Variants in ZDHHC14 observed in about 807,000 individuals in gnomAD.
The protein encoded by ZDHHC14 is zDHHC palmitoyltransferase 14, also known as palmitoyltransferase ZDHHC14.
Under a neutral mutation model 47.7 loss-of-function variants are expected in ZDHHC14, and 16 were observed. That is an observed-to-expected ratio of 0.34 (90% CI 0.23 to 0.51). The LOEUF (loss-of-function observed/expected upper bound fraction) is 0.51. Ranked by LOEUF, ZDHHC14 falls within the 20% of genes least tolerant of loss-of-function variation. ZDHHC14 has a pLI of 0.97. For synonymous variants in ZDHHC14, 293 were observed against 278.9 expected, an observed-to-expected ratio of 1.05 and a Z score of -0.50; for missense variants, 515 against 662.5, an observed-to-expected ratio of 0.78 and a Z score of 2.44.
At chr6:157,669,543 CTG>C (rs1314763968) in intron 8 of ZDHHC14, among the ~76,000 whole-genome samples, 1 of 152,236 alleles carries the variant, frequency 6.6e-6, no homozygotes, top group Non-Finnish European at 1.5e-5. Context: ...ACATATTTTT[CTG>C]TGAGTCTGTG....
chr6:157,649,491 G>C (rs180749591), intron 7 of ZDHHC14, among the ~76,000 whole-genome samples: 225 of 152,298 alleles, frequency 1.5e-3, no homozygotes, highest in Middle Eastern at 6.8e-3. Flanking sequence ...CCCTTCCGCT[G>C]TGCCACCTCG....
intron 7 of ZDHHC14, among the ~76,000 whole-genome samples, chr6:157,649,845 C>T (rs1313448546): frequency 6.6e-6 from 1 of 152,234 alleles, no homozygotes; most frequent in Middle Eastern, 3.2e-3. Context: ...CAGAAAGGCC[C>T]AAGGAATGGT....
At chr6:157,531,367 C>T (rs1562464994) in intron 1 of ZDHHC14, among the ~76,000 whole-genome samples, 1 of 152,000 alleles carries the variant, frequency 6.6e-6, no homozygotes, top group Admixed American at 6.6e-5. Context: ...CTCGGTGCAC[C>T]GTCCGAAGGA....
At chr6:157,578,916 G>A (rs183032031) in intron 2 of ZDHHC14, among the ~76,000 whole-genome samples, 1 of 152,072 alleles carries the variant, frequency 6.6e-6, no homozygotes. Flanking sequence ...GTGTGAGAAT[G>A]GACTAATACA....
intron 1 of ZDHHC14, among the ~76,000 whole-genome samples, chr6:157,395,145 CCTT>C (rs1005903500): frequency 4.7e-5 from 7 of 150,346 alleles, no homozygotes; most frequent in Non-Finnish European, 8.9e-5. Flanking sequence ...CTTCCTCACT[CCTT>C]GTCTCTATTT....
At chr6:157,548,693 G>T (rs887372007) in intron 2 of ZDHHC14, among the ~76,000 whole-genome samples, 1 of 152,130 alleles carries the variant, frequency 6.6e-6, no homozygotes, top group Non-Finnish European at 1.5e-5. Context: ...TGATCTGCCC[G>T]CCTGGGCCTC....
chr6:157,486,706 T>G lies in ZDHHC14; in HGVS notation c.246-55879T>G, dbSNP rs1228687530. The stretch of plus-strand genomic sequence containing the variant: ...CACAGGGAGCCCGAGGGAAGAGCCC[T>G]TCCCAGAGGAGGTCGTGCTGGAAGG... On this transcript the variant is annotated intron_variant, in intron 1 of 8. Transcript: ENST00000359775. Among the ~76,000 whole-genome samples, 52 of 152,134 alleles carry G rather than the reference T, an allele frequency of 3.4e-4. 1 individual carries two copies. The highest frequency in any genetic ancestry group is 3.4e-3 in the Admixed American group (52 of 15,278).
intron 1 of ZDHHC14, among the ~76,000 whole-genome samples, chr6:157,503,233 C>T (rs936403106): frequency 1.3e-5 from 2 of 152,190 alleles, no homozygotes; most frequent in African/African-American, 2.4e-5. Context: ...TGCTTCTCCT[C>T]GTGGGCCCAG....
chr6:157,517,572 A>G (rs1013204403), intron 1 of ZDHHC14, among the ~76,000 whole-genome samples: 2 of 152,068 alleles, frequency 1.3e-5, no homozygotes, highest in African/African-American at 4.8e-5. Flanking sequence ...TGGCCTCCCA[A>G]AGTGCTGGGA....
intron 1 of ZDHHC14, among the ~76,000 whole-genome samples, chr6:157,389,994 A>C (rs917432562): frequency 6.6e-6 from 1 of 152,108 alleles, no homozygotes; most frequent in Non-Finnish European, 1.5e-5. Flanking sequence ...ATTTATCTTC[A>C]TGTATTTACC....
chr6:157,506,999 T>C (rs1389203528), intron 1 of ZDHHC14, among the ~76,000 whole-genome samples: 2 of 152,150 alleles, frequency 1.3e-5, no homozygotes, highest in African/African-American at 4.8e-5. Flanking sequence ...AGCCATCTCC[T>C]GTGACCCTGC....
chr6:157,520,656 A>G (rs1017282250), intron 1 of ZDHHC14, among the ~76,000 whole-genome samples: 2 of 152,274 alleles, frequency 1.3e-5, no homozygotes, highest in African/African-American at 4.8e-5. Flanking sequence ...TAATGAATGT[A>G]TAAATACCAT....
At chr6:157,511,548 T>C (rs1780486466) in intron 1 of ZDHHC14, among the ~76,000 whole-genome samples, 1 of 24,996 alleles carries the variant, frequency 4.0e-5, no homozygotes, top group African/African-American at 2.1e-4. Flanking sequence ...GCCCGGGTAC[T>C]TTTTTTTTTT....
chr6:157,623,539 CTT>C (rs1194920593), intron 3 of ZDHHC14, among the ~76,000 whole-genome samples: 138 of 126,192 alleles, frequency 1.1e-3, no homozygotes, highest in African/African-American at 3.7e-3. Flanking sequence ...ACTCATACAT[CTT>C]TTTTTTTTTT....
chr6:157,431,670 A>G (rs1412030962), intron 1 of ZDHHC14, among the ~76,000 whole-genome samples: 1 of 152,200 alleles, frequency 6.6e-6, no homozygotes, highest in Non-Finnish European at 1.5e-5. Flanking sequence ...ACAAGCCACA[A>G]TAAACCAAAG....
intron 1 of ZDHHC14, among the ~76,000 whole-genome samples, chr6:157,492,571 C>T (rs888947340): frequency 2.0e-5 from 3 of 152,212 alleles, no homozygotes; most frequent in Non-Finnish European, 4.4e-5. Context: ...GAAGAGGAGG[C>T]GCTGTTTCTT....
chr6:157,585,694 G>A (rs1370017113), intron 2 of ZDHHC14, among the ~76,000 whole-genome samples: 1 of 152,222 alleles, frequency 6.6e-6, no homozygotes, highest in Non-Finnish European at 1.5e-5. Context: ...GCTGTTGGAT[G>A]CATTGTGTGG....
In ZDHHC14 at chr6:157,672,792, G is replaced by C; in HGVS notation, c.1137G>C (p.Gln379His). ...AGGCTGCAGCCACGCCCCTGCTGCA[G>C]AGCGAGCCCAGCCTCACCAGCGACG... The part of the protein sequence containing the change: ...VLQAAATPLL[Q>H]SEPSLTSDEL... The change falls in exon 9 of 9, where the codon CAG becomes CAC. Residue 379 changes from glutamine (Q) to histidine (H), a missense_variant. Physicochemically the swap from Gln to His is conservative, Grantham distance 24. Transcript: ENST00000359775. 1 of 1,612,790 alleles carries C rather than the reference G, an allele frequency of 6.2e-7. No individual in the cohort carries two copies. The highest frequency in any genetic ancestry group is 1.1e-5 in the South Asian group (1 of 91,060).
At chr6:157,450,822 A>G (rs530792468) in intron 1 of ZDHHC14, among the ~76,000 whole-genome samples, 2 of 152,346 alleles carry the variant, frequency 1.3e-5, no homozygotes, top group African/African-American at 2.4e-5. Flanking sequence ...AATATTATCT[A>G]TGAAATTCTT....
Sources: allele counts gnomAD v4.1 joint callset (sites outside exome capture counted in the v4.1 genomes callset), GRCh38; gene constraint gnomAD v4.1.1; transcripts MANE v1.5; gene names NCBI Gene and HGNC (gene_info 2026-07-23, HGNC 2026-07-21).